The following NRXN1 variants were observed in gnomAD, a reference collection of about 807,000 sequenced individuals.
The protein encoded by NRXN1 is neurexin 1, also known as neurexin-1.
Under a neutral mutation model 150.9 loss-of-function variants are expected in NRXN1, and 39 were observed. The observed-to-expected ratio is 0.26, with a 90% CI of 0.20 to 0.34. The LOEUF (loss-of-function observed/expected upper bound fraction) is 0.34, where lower values mean the gene tolerates loss of function less well. Ranked by LOEUF, NRXN1 falls within the 10% of genes least tolerant of loss-of-function variation. NRXN1 has a pLI of 1.00. For synonymous variants in NRXN1, 924 were observed against 757.0 expected (o/e 1.22, Z -3.62); for missense variants, 1,815 against 1,949.9 (o/e 0.93, Z 1.30).
At chr2:50,752,572 C>A (rs371972053) in intron 5 of NRXN1, among the ~76,000 whole-genome samples, 2 of 151,910 alleles carry the variant, frequency 1.3e-5, no homozygotes, top group East Asian at 3.9e-4. Context: ...CTTACCCATG[C>A]TCTGAAAAGA....
intron 18 of NRXN1, among the ~76,000 whole-genome samples, chr2:50,167,586 C>T (rs1303678282): frequency 1.3e-5 from 2 of 151,682 alleles, no homozygotes; most frequent in African/African-American, 4.8e-5. Context: ...ATCAATTGTT[C>T]CCCAATTCAT....
intron 17 of NRXN1, among the ~76,000 whole-genome samples, chr2:50,432,738 C>T (rs937916562): frequency 3.3e-5 from 5 of 152,160 alleles, no homozygotes; most frequent in African/African-American, 1.2e-4. Context: ...ATCTAATCTC[C>T]ATAACTCTAC....
intron 2 of NRXN1, among the ~76,000 whole-genome samples, chr2:50,937,992 G>A (rs1688799255): frequency 2.0e-5 from 3 of 152,078 alleles, no homozygotes; most frequent in South Asian, 4.1e-4. Context: ...GCATGTTACT[G>A]TACTAAATGC....
At chr2:50,408,830 A>G (rs1042183072) in intron 17 of NRXN1, among the ~76,000 whole-genome samples, 2 of 106,228 alleles carry the variant, frequency 1.9e-5, no homozygotes, top group Admixed American at 1.0e-4. Flanking sequence ...TGGGTGAATC[A>G]ATCTCAATCT....
At chr2:50,119,590 A>C (rs1390604785) in intron 18 of NRXN1, among the ~76,000 whole-genome samples, 1 of 152,092 alleles carries the variant, frequency 6.6e-6, no homozygotes, top group Non-Finnish European at 1.5e-5. Context: ...CTATCATTTG[A>C]ATGTAATATG....
intron 17 of NRXN1, among the ~76,000 whole-genome samples, chr2:50,283,822 C>T (rs1476665687): frequency 1.3e-5 from 2 of 152,038 alleles, no homozygotes; most frequent in Admixed American, 6.6e-5. Context: ...ATTAAAAGTC[C>T]CTCTCCCTAT....
At chr2:50,880,707 C>G (rs779395452) in intron 5 of NRXN1, among the ~76,000 whole-genome samples, 7 of 151,942 alleles carry the variant, frequency 4.6e-5, no homozygotes, top group Non-Finnish European at 8.8e-5. Flanking sequence ...AACAGAATTT[C>G]CTTCCTAGAC....
In NRXN1 at chr2:50,540,812, C is replaced by G. The variant is rs780831127; in HGVS notation, c.1760-2176G>C. Among the ~76,000 whole-genome samples, 36 of 152,192 alleles carry G rather than the reference C, an allele frequency of 2.4e-4. 1 individual carries two copies. The highest frequency in any genetic ancestry group is 6.8e-3 in the Middle Eastern group (2 of 294). ...AAGTAGCTGGGATTACAGGTGTACG[C>G]CATCACAGCCAACTAATTTTTGTAT... is the stretch of plus-strand genomic sequence containing the variant. On this transcript the variant is annotated intron_variant, in intron 9 of 22. Transcript: ENST00000401669.
At chr2:50,203,290 T>C (rs1258678669) in intron 18 of NRXN1, among the ~76,000 whole-genome samples, 1 of 152,216 alleles carries the variant, frequency 6.6e-6, no homozygotes, top group African/African-American at 2.4e-5. Flanking sequence ...AACTTTTTCT[T>C]AACAACCTAG....
intron 17 of NRXN1, among the ~76,000 whole-genome samples, chr2:50,242,772 G>T (rs1017529206): frequency 6.6e-6 from 1 of 151,842 alleles, no homozygotes; most frequent in East Asian, 1.9e-4. Context: ...TCTGGTGGGA[G>T]GGGCAGACAA....
intron 5 of NRXN1, among the ~76,000 whole-genome samples, chr2:50,872,601 T>C (rs1291855993): frequency 6.6e-6 from 1 of 151,136 alleles, no homozygotes; most frequent in Non-Finnish European, 1.5e-5. Flanking sequence ...CTCAAGAAAA[T>C]AAGAATAAAA....
chr2:50,633,522 T>C (rs1474739919), intron 5 of NRXN1, among the ~76,000 whole-genome samples: 1 of 122,108 alleles, frequency 8.2e-6, no homozygotes, highest in African/African-American at 3.2e-5. Flanking sequence ...TTTTGTTTTG[T>C]TTTTTTTTTC....
intron 5 of NRXN1, among the ~76,000 whole-genome samples, chr2:50,708,968 G>A (rs565053095): frequency 1.1e-4 from 17 of 152,144 alleles, no homozygotes; most frequent in Non-Finnish European, 2.4e-4. Flanking sequence ...TCACTGAGGA[G>A]AACAGGGTTC....
intron 2 of NRXN1, among the ~76,000 whole-genome samples, chr2:51,021,607 T>C (rs1669625747): frequency 6.6e-6 from 1 of 151,954 alleles, no homozygotes; most frequent in Non-Finnish European, 1.5e-5. Flanking sequence ...TTATGATAAC[T>C]AAAATAACAG....
At chr2:50,275,498 A>G (rs2070314701) in intron 17 of NRXN1, among the ~76,000 whole-genome samples, 2 of 151,908 alleles carry the variant, frequency 1.3e-5, no homozygotes, top group Admixed American at 1.3e-4. Flanking sequence ...AAAGTTTCAG[A>G]CAGAAAAAAA....
chr2:50,286,354 C>T (rs558316050), intron 17 of NRXN1, among the ~76,000 whole-genome samples: 39 of 152,106 alleles, frequency 2.6e-4, no homozygotes, highest in East Asian at 7.7e-4. Flanking sequence ...CAACTTTTTT[C>T]GAATCAACAT....
intron 5 of NRXN1, chr2:50,656,471 C>A (rs995887798): frequency 5.4e-6 from 4 of 736,972 alleles, no homozygotes; most frequent in South Asian, 1.5e-5. Flanking sequence ...AGTTTTTGCT[C>A]TGTTTAAACA....
At chr2:50,202,857 C>A (rs900550101) in intron 18 of NRXN1, among the ~76,000 whole-genome samples, 1 of 150,318 alleles carries the variant, frequency 6.7e-6, no homozygotes, top group African/African-American at 2.5e-5. Context: ...AACTGATCCA[C>A]ATTTTTTTTT....
chr2:50,211,439 G>T (rs953656191), intron 18 of NRXN1, among the ~76,000 whole-genome samples: 5 of 151,456 alleles, frequency 3.3e-5, no homozygotes, highest in African/African-American at 1.2e-4. Context: ...CCTAAAAGAT[G>T]ATTAAATTCC....
Sources: allele counts gnomAD v4.1 joint callset (sites outside exome capture counted in the v4.1 genomes callset), GRCh38; gene constraint gnomAD v4.1.1; transcripts MANE v1.5; gene names NCBI Gene and HGNC (gene_info 2026-07-23, HGNC 2026-07-21).